Variants in ATM observed in about 807,000 individuals in gnomAD.
ATM encodes ATM serine/threonine kinase.
Under a neutral mutation model 387.0 loss-of-function variants are expected in ATM, and 308 were observed. The observed-to-expected ratio is 0.80, with a 90% confidence interval of 0.73 to 0.87. The LOEUF (loss-of-function observed/expected upper bound fraction) is 0.87. Ranked by LOEUF, ATM falls within the 40% of genes least tolerant of loss-of-function variation. The pLI is 0.00. For missense variants in ATM, 3,312 were observed against 3,560.9 expected (o/e 0.93, Z 1.78); for synonymous variants, 1,156 against 1,187.3 (o/e 0.97, Z 0.54).
rs201061190 is a variant in ATM, at chr11:108,289,962, A to ATCC, written c.4436+163_4436+165dup. ...ATCCTCAACCTCCTGGGTTCAGATT[A>ATCC]TCCTTCCTCCTCACCCTGCCGGGTA... On this transcript the variant is annotated intron_variant, in intron 29 of 62. Transcript: ENST00000675843. The ATCC allele has an allele frequency of 2.9e-3, 1,823 of 629,590 alleles. 20 individuals carry two copies. The highest frequency in any genetic ancestry group is 0.024 in the African/African-American group (1,324 of 54,488). The allele number at this position is 629,590 out of a possible 1,614,324, so 39.0% of individuals were successfully genotyped here.
Position 108,243,975 on chromosome 11 carries a change from G to T in ATM, c.519G>T (p.Arg173Ser), listed in dbSNP as rs587781391. 1 of 1,601,072 alleles carries T rather than the reference G, an allele frequency of 6.2e-7. No homozygotes were observed. Among genetic ancestry groups the T allele is most frequent in the Non-Finnish European group, 8.5e-7 (1 of 1,172,540 alleles). Residue 173 changes from arginine to serine, a missense_variant, in exon 6 of 63, where the codon AGG becomes AGT. By Grantham distance (110) the Arg-to-Ser change is moderately radical (BLOSUM62 -1). Around this residue, in one of 4 missense-constraint regions of ATM, gnomAD observed 1,791 missense variants for 1,804.5 expected, o/e 0.99. Coordinates refer to ENST00000675843, the MANE Select transcript of ATM (RefSeq NM_000051.4). ...QWLELFSVYF[R>S]LYLKPSQDVH... Reference sequence around the variant, plus strand: ...AAGAATTGTTCTCTGTGTACTTCAGGCTCTATCTGAAACCTTCACAAGATG... The same window carrying T: ...AAGAATTGTTCTCTGTGTACTTCAGTCTCTATCTGAAACCTTCACAAGATG...
chr11:108,283,337 G>A (rs1385251219), intron 25 of ATM, among the ~76,000 whole-genome samples: 1 of 152,148 alleles, frequency 6.6e-6, no homozygotes, highest in Non-Finnish European at 1.5e-5. Context: ...GAAACTTAAT[G>A]TAAAACTTTA....
intron 5 of ATM, among the ~76,000 whole-genome samples, chr11:108,237,827 G>T (rs989707387): frequency 3.3e-5 from 5 of 149,984 alleles, no homozygotes; most frequent in African/African-American, 1.2e-4. Flanking sequence ...TGCACAATTT[G>T]AGAAGAATAG....
At chr11:108,314,912 T>C (rs994226561) in intron 40 of ATM, among the ~76,000 whole-genome samples, 2 of 152,188 alleles carry the variant, frequency 1.3e-5, no homozygotes, top group African/African-American at 4.8e-5. Flanking sequence ...GAATCATCTG[T>C]CTGAAATTGT....
rs80226715 is a variant in ATM, at chr11:108,367,390, C to G, written c.*1882C>G. On this transcript the variant is annotated 3_prime_UTR_variant, in exon 63 of 63. Transcript: ENST00000675843. ...ATTTTATCCAGCATTTCTCTGTGTT[C>G]TGTTGGAAGGGAAGGGCTTAGGTAT... 0.013 allele frequency: 2,556 copies of G among 195,180 alleles called. 61 individuals carry two copies. The highest frequency in any genetic ancestry group is 0.056 in the African/African-American group (2,398 of 43,198). 12.1% of individuals were successfully genotyped at this position (195,180 alleles called of 1,614,324 possible).
chr11:108,312,837 A>G (rs1177585840), intron 40 of ATM, among the ~76,000 whole-genome samples: 1 of 152,098 alleles, frequency 6.6e-6, no homozygotes, highest in Non-Finnish European at 1.5e-5. Context: ...TTGCTTGTTT[A>G]TTGTATGTTA....
intron 29 of ATM, 39 bp downstream of exon 29, chr11:108,289,840 C>A: frequency 6.4e-7 from 1 of 1,561,964 alleles, no homozygotes; most frequent in South Asian, 1.1e-5. Context: ...AGCAGTCTTT[C>A]TATCCTGTTC....
rs1402299151 is a variant in ATM, at chr11:108,256,214, G to T, written c.2125-1G>T. 1 of 1,602,172 alleles carries T rather than the reference G, an allele frequency of 6.2e-7. No homozygotes were observed. Among genetic ancestry groups the T allele is most frequent in the Non-Finnish European group, 8.5e-7 (1 of 1,172,436 alleles). On this transcript the variant is annotated splice_acceptor_variant, in intron 13 of 62. Coordinates refer to ENST00000675843, the MANE Select transcript of ATM (RefSeq NM_000051.4). LOFTEE classifies it high-confidence loss of function. Reference sequence around the variant, plus strand: ...TATTTTTATTTGTGGTTTACTTTAAGATTACAAATTCAGAAACTCTTGTCC... The same window carrying T: ...TATTTTTATTTGTGGTTTACTTTAATATTACAAATTCAGAAACTCTTGTCC...
intron 42 of ATM, among the ~76,000 whole-genome samples, 176 bp downstream of exon 42, chr11:108,316,289 A>G (rs1249796699): frequency 6.6e-6 from 1 of 152,192 alleles, no homozygotes; most frequent in Non-Finnish European, 1.5e-5. Context: ...AGGGATGCAA[A>G]AAAAAGAGAA....
intron 55 of ATM, chr11:108,335,390 A>G (rs1374838054): frequency 1.1e-6 from 1 of 885,772 alleles, no homozygotes; most frequent in Non-Finnish European, 1.6e-6. Flanking sequence ...GAAAAAAAAT[A>G]CTTTGGTGTC....
intron 31 of ATM, 69 bp from the exon 32 acceptor site, chr11:108,294,858 C>T (rs2083027900): frequency 6.4e-7 from 1 of 1,574,042 alleles, no homozygotes. Flanking sequence ...TAATTTTTTT[C>T]TTTTATTAAG....
chr11:108,243,931 A>C (rs1202120639), intron 5 of ATM, 22 bp from the exon 6 acceptor site: 1 of 1,431,334 alleles, frequency 7.0e-7, no homozygotes, highest in Admixed American at 2.1e-5. Context: ...ATCATGACTA[A>C]TAATTTTTTT....
chr11:108,330,042 T>C (rs541502982), intron 49 of ATM, among the ~76,000 whole-genome samples, 172 bp from the exon 50 acceptor site: 1 of 152,376 alleles, frequency 6.6e-6, no homozygotes, highest in South Asian at 2.1e-4. Flanking sequence ...GGTGTGTGAA[T>C]TGCACAGTTA....
chr11:108,267,711 G>A (rs890011380), intron 17 of ATM, among the ~76,000 whole-genome samples: 2 of 152,212 alleles, frequency 1.3e-5, no homozygotes, highest in South Asian at 4.2e-4. Context: ...ACAAAAATTA[G>A]ATGGGCGTGG....
At chr11:108,248,858 A>G in intron 8 of ATM, 75 bp from the exon 9 acceptor site, 1 of 1,342,542 alleles carries the variant, frequency 7.4e-7, no homozygotes, top group South Asian at 1.3e-5. Flanking sequence ...GTTCCACTCC[A>G]ACCTGGGCAA....
chr11:108,366,045 AAAAC>A lies in ATM; in HGVS notation c.*539_*542del. ...ACTCCATCTCAAAAAAAAAAAAAAA[AAAAC>A]AGAAACGTATTTGGATTTTTCCTAG... On this transcript the variant is annotated 3_prime_UTR_variant, in exon 63 of 63. Transcript: ENST00000675843. 5.7e-6 allele frequency: 1 copy of A among 175,966 alleles called. No homozygotes were observed. The highest frequency in any genetic ancestry group is 9.8e-5 in the East Asian group (1 of 10,236). 10.9% of individuals were successfully genotyped at this position (175,966 alleles called of 1,614,324 possible). A position where few individuals can be genotyped will look rare whatever the true frequency, so the allele number is the denominator to read the frequency against.
intron 22 of ATM, among the ~76,000 whole-genome samples, chr11:108,278,942 A>G (rs1196995028): frequency 6.6e-6 from 1 of 152,242 alleles, no homozygotes; most frequent in Non-Finnish European, 1.5e-5. Context: ...AATCAGAGGA[A>G]CATAAACAAT....
At chr11:108,363,165 G>T (rs1162191542) in intron 61 of ATM, among the ~76,000 whole-genome samples, 4 of 151,946 alleles carry the variant, frequency 2.6e-5, no homozygotes, top group Non-Finnish European at 5.9e-5. Flanking sequence ...GCTTTAGGAG[G>T]GTGCTTCTCA....
At chr11:108,305,453 G>A (rs961030639) in intron 37 of ATM, among the ~76,000 whole-genome samples, 36 of 152,114 alleles carry the variant, frequency 2.4e-4, no homozygotes, top group South Asian at 2.1e-3. Context: ...GGTGGCAGGC[G>A]CCTATAATTG....
Sources: gnomAD v4.1 joint callset for allele counts (sites outside exome capture counted in the v4.1 genomes callset) on GRCh38, gnomAD v4.1.1 for gene constraint, gnomAD v4.1.1 regional missense constraint, MANE v1.5 for transcripts, NCBI Gene and HGNC (gene_info 2026-07-23, HGNC 2026-07-21) for gene names.